SLC35F3: variants seen among roughly 807,000 people sequenced by gnomAD.
SLC35F3 encodes putative thiamine transporter SLC35F3.
SLC35F3 carries 25 observed loss-of-function variants against 49.9 expected under a neutral mutation model. The ratio of observed to expected loss-of-function variants is 0.50; its 90% CI spans 0.37 to 0.70. SLC35F3 has a LOEUF of 0.70. Among genes scored for constraint, SLC35F3 ranks in the 30% least tolerant of loss-of-function variants. SLC35F3 has a pLI of 0.00. For synonymous variants in SLC35F3, 275 were observed against 265.4 expected (o/e 1.04, Z -0.35); for missense variants, 525 against 639.8 (o/e 0.82, Z 1.94).
intron 2 of SLC35F3, among the ~76,000 whole-genome samples, chr1:233,956,634 C>T (rs1662709301): frequency 6.6e-6 from 1 of 152,104 alleles, no homozygotes; most frequent in Non-Finnish European, 1.5e-5. Context: ...AAGAGGGCAA[C>T]AGGGGAGCAG....
chr1:234,207,712 A>G (rs1472714542), intron 2 of SLC35F3, among the ~76,000 whole-genome samples: 1 of 152,130 alleles, frequency 6.6e-6, no homozygotes, highest in Non-Finnish European at 1.5e-5. Context: ...GAGACCAAGA[A>G]ACAGTTTGGG....
At chr1:234,016,418 A>G (rs553727716) in intron 2 of SLC35F3, among the ~76,000 whole-genome samples, 1 of 152,364 alleles carries the variant, frequency 6.6e-6, no homozygotes, top group East Asian at 1.9e-4. Context: ...TAATGGATAA[A>G]GAAAATGTAG....
intron 3 of SLC35F3, among the ~76,000 whole-genome samples, chr1:234,243,356 AT>A (rs1667583552): frequency 6.6e-6 from 1 of 152,238 alleles, no homozygotes; most frequent in Admixed American, 6.5e-5. Context: ...TCAAAAAAAA[AT>A]AATAAAGTGT....
At chr1:234,163,859 C>G (rs556053936) in intron 2 of SLC35F3, among the ~76,000 whole-genome samples, 5 of 152,300 alleles carry the variant, frequency 3.3e-5, no homozygotes, top group Non-Finnish European at 7.3e-5. Flanking sequence ...GCACCTCTCT[C>G]TGAGAAACAT....
At chr1:234,313,247 C>T (rs1391163540) in intron 4 of SLC35F3, among the ~76,000 whole-genome samples, 1 of 152,174 alleles carries the variant, frequency 6.6e-6, no homozygotes, top group Non-Finnish European at 1.5e-5. Flanking sequence ...ACCTAGGGCA[C>T]CACTAACCCT....
chr1:234,083,940 C>T lies in SLC35F3; in HGVS notation c.284-147477C>T, dbSNP rs1368141968. Among the ~76,000 whole-genome samples the T allele has an allele frequency of 2.6e-5, 4 of 151,316 alleles. No individual in the cohort carries two copies. The East Asian group carries it at 5.8e-4, about 22-fold the overall frequency. On this transcript the variant is annotated intron_variant, in intron 2 of 7. Coordinates refer to ENST00000366618, the MANE Select transcript of SLC35F3 (RefSeq NM_173508.4). ...ACAACCTCCGCCTCCTGGGTTCAAG[C>T]GATTCTCCTGCCTCAGCCTCCTGAG...
At chr1:234,006,472 G>A (rs1281263043) in intron 2 of SLC35F3, among the ~76,000 whole-genome samples, 2 of 136,556 alleles carry the variant, frequency 1.5e-5, no homozygotes, top group East Asian at 1.9e-4. Context: ...CCTTTTAACG[G>A]GGAAAAAAAT....
chr1:234,271,916 G>C (rs974153898), intron 3 of SLC35F3, among the ~76,000 whole-genome samples: 45 of 152,148 alleles, frequency 3.0e-4, no homozygotes, highest in Non-Finnish European at 5.7e-4. Context: ...CTTGAGTCCA[G>C]GAGTTCAAGA....
intron 2 of SLC35F3, among the ~76,000 whole-genome samples, chr1:234,100,331 A>C (rs1025355010): frequency 1.3e-5 from 2 of 152,210 alleles, no homozygotes; most frequent in Non-Finnish European, 2.9e-5. Flanking sequence ...AGGCTTTGCT[A>C]CAATATTTCC....
At chr1:234,246,828 T>A (rs1667637903) in intron 3 of SLC35F3, among the ~76,000 whole-genome samples, 3 of 152,222 alleles carry the variant, frequency 2.0e-5, no homozygotes, top group Admixed American at 2.0e-4. Flanking sequence ...CAGAGTGCTA[T>A]TGTGGCTCTG....
chr1:234,215,264 A>G (rs1357605808), intron 2 of SLC35F3, among the ~76,000 whole-genome samples: 2 of 152,138 alleles, frequency 1.3e-5, no homozygotes, highest in Non-Finnish European at 2.9e-5. Flanking sequence ...TCTGCCTGGA[A>G]CTGCTCCCAC....
chr1:234,173,686 T>A (rs1206780623), intron 2 of SLC35F3, among the ~76,000 whole-genome samples: 1 of 152,216 alleles, frequency 6.6e-6, no homozygotes, highest in Admixed American at 6.5e-5. Context: ...TGGGAAGTTT[T>A]AGGATGGAAT....
intron 3 of SLC35F3, among the ~76,000 whole-genome samples, chr1:234,275,656 A>C (rs1386963758): frequency 6.6e-6 from 1 of 151,936 alleles, no homozygotes; most frequent in East Asian, 1.9e-4. Flanking sequence ...AAACAGACAC[A>C]CATCACTCAG....
chr1:234,144,268 G>T (rs1386994168), intron 2 of SLC35F3, among the ~76,000 whole-genome samples: 1 of 152,208 alleles, frequency 6.6e-6, no homozygotes, highest in Non-Finnish European at 1.5e-5. Context: ...CGGTGCTCTT[G>T]GGATGTGCAG....
chr1:234,069,122 TATATAAA>T (rs1433501820), intron 2 of SLC35F3, among the ~76,000 whole-genome samples: 1 of 129,680 alleles, frequency 7.7e-6, no homozygotes, highest in Non-Finnish European at 1.6e-5. Flanking sequence ...TATATTTTTG[TATATAAA>T]ATATATAATA....
At chr1:233,955,135 C>T (rs1235420315) in intron 2 of SLC35F3, among the ~76,000 whole-genome samples, 1 of 152,130 alleles carries the variant, frequency 6.6e-6, no homozygotes, top group African/African-American at 2.4e-5. Flanking sequence ...CGAGCCACCG[C>T]ACCAGGCCAG....
intron 2 of SLC35F3, among the ~76,000 whole-genome samples, chr1:234,009,838 G>A (rs1663688853): frequency 6.6e-6 from 1 of 152,044 alleles, no homozygotes; most frequent in South Asian, 2.1e-4. Flanking sequence ...AGAGAGAGTG[G>A]GATGTTATAC....
intron 2 of SLC35F3, among the ~76,000 whole-genome samples, chr1:233,921,412 G>A (rs1662056885): frequency 6.6e-6 from 1 of 152,084 alleles, no homozygotes; most frequent in African/African-American, 2.4e-5. Flanking sequence ...AGAGTCCATA[G>A]TTTACACCAG....
intron 2 of SLC35F3, among the ~76,000 whole-genome samples, chr1:234,229,890 A>G (rs962464876): frequency 2.0e-5 from 3 of 152,210 alleles, no homozygotes; most frequent in Non-Finnish European, 2.9e-5. Flanking sequence ...TCCTGGTAGG[A>G]GGGCATAAGC....
Sources: allele counts gnomAD v4.1 joint callset (sites outside exome capture counted in the v4.1 genomes callset), GRCh38; gene constraint gnomAD v4.1.1; transcripts MANE v1.5; gene names NCBI Gene and HGNC (gene_info 2026-07-23, HGNC 2026-07-21).